The following OXR1 variants were observed in gnomAD, a reference collection of about 807,000 sequenced individuals.
The protein encoded by OXR1 is oxidation resistance 1, also known as oxidation resistance protein 1.
In OXR1, 41 loss-of-function variants were observed where a neutral mutation model predicts 104.6. That is an observed-to-expected ratio of 0.39 (90% CI 0.31 to 0.51). The LOEUF (loss-of-function observed/expected upper bound fraction) is 0.51, where lower values mean the gene tolerates loss of function less well. OXR1 is among the 20% of genes least tolerant of loss of function. The probability of loss-of-function intolerance (pLI) is 0.77; values close to 1 mark genes in which losing one functional copy is unlikely to be tolerated. For missense variants in OXR1, 955 were observed against 1,031.9 expected, an observed-to-expected ratio of 0.93 and a Z score of 1.02; for synonymous variants, 348 against 348.4, an observed-to-expected ratio of 1.00 and a Z score of 0.01.
intron 2 of OXR1, among the ~76,000 whole-genome samples, chr8:106,427,386 C>A (rs1819175232): frequency 6.6e-6 from 1 of 151,982 alleles, no homozygotes; most frequent in Admixed American, 6.6e-5. Context: ...CCAGGATGGT[C>A]TCGATCTCCT....
chr8:106,468,265 G>C (rs28706457), intron 2 of OXR1, among the ~76,000 whole-genome samples: 17,020 of 151,676 alleles, frequency 0.11, 1,209 homozygotes, highest in East Asian at 0.27. Flanking sequence ...CAGTAAATAG[G>C]ATCAGAAAGT....
At chr8:106,534,952 G>GT (rs1814370702) in intron 3 of OXR1, among the ~76,000 whole-genome samples, 1 of 151,926 alleles carries the variant, frequency 6.6e-6, no homozygotes, top group African/African-American at 2.4e-5. Context: ...GCTAGCACGA[G>GT]GTTTTTTTTG....
At chr8:106,361,477 A>G (rs1359879415) in intron 2 of OXR1, among the ~76,000 whole-genome samples, 1 of 152,194 alleles carries the variant, frequency 6.6e-6, no homozygotes, top group Non-Finnish European at 1.5e-5. Flanking sequence ...TGGCATCCTC[A>G]TTCTCCCACT....
intron 2 of OXR1, among the ~76,000 whole-genome samples, chr8:106,448,409 T>C (rs1308712699): frequency 6.6e-6 from 1 of 152,228 alleles, no homozygotes; most frequent in Non-Finnish European, 1.5e-5. Context: ...ACAGTTTTAT[T>C]GTTTGGTGTA....
At chr8:106,665,188 T>C (rs1351668385) in intron 3 of OXR1, among the ~76,000 whole-genome samples, 4 of 152,060 alleles carry the variant, frequency 2.6e-5, no homozygotes, top group Non-Finnish European at 5.9e-5. Context: ...CCATTCCACC[T>C]CAGGGCACAG....
chr8:106,492,967 T>C (rs1811192726), intron 2 of OXR1, among the ~76,000 whole-genome samples: 1 of 152,176 alleles, frequency 6.6e-6, no homozygotes, highest in Non-Finnish European at 1.5e-5. Context: ...CTAAAATGCA[T>C]TGTGGATTTT....
intron 11 of OXR1, among the ~76,000 whole-genome samples, chr8:106,728,930 T>G (rs1327591260): frequency 6.6e-6 from 1 of 152,204 alleles, no homozygotes; most frequent in East Asian, 1.9e-4. Flanking sequence ...TTTTTTAAAT[T>G]TAGGCTTTCA....
intron 2 of OXR1, among the ~76,000 whole-genome samples, chr8:106,427,058 C>A (rs555985653): frequency 1.3e-5 from 2 of 152,130 alleles, no homozygotes; most frequent in Non-Finnish European, 2.9e-5. Flanking sequence ...TGACTGTATT[C>A]ACTGAAGCCC....
At chr8:106,609,939 A>T (rs1054459469) in intron 3 of OXR1, among the ~76,000 whole-genome samples, 1 of 152,142 alleles carries the variant, frequency 6.6e-6, no homozygotes, top group Non-Finnish European at 1.5e-5. Context: ...TAAAGAGTAT[A>T]TGTTTTTCCT....
At chr8:106,691,395 A>G (rs999614961) in intron 6 of OXR1, among the ~76,000 whole-genome samples, 16 of 151,918 alleles carry the variant, frequency 1.1e-4, no homozygotes, top group Non-Finnish European at 2.4e-4. Context: ...GAGGTCTGGT[A>G]ATTCCTCTGA....
intron 1 of OXR1, among the ~76,000 whole-genome samples, chr8:106,298,148 A>G (rs1813080131): frequency 1.3e-5 from 2 of 152,126 alleles, no homozygotes; most frequent in South Asian, 4.1e-4. Flanking sequence ...GGGATGGGGG[A>G]AAAATAAGTC....
intron 3 of OXR1, among the ~76,000 whole-genome samples, chr8:106,567,952 A>G (rs1373209234): frequency 1.3e-5 from 2 of 152,168 alleles, no homozygotes; most frequent in African/African-American, 2.4e-5. Context: ...ATGACATGTT[A>G]TAATCATTCC....
At chr8:106,297,223 T>G (rs1381611006) in intron 1 of OXR1, among the ~76,000 whole-genome samples, 1 of 152,186 alleles carries the variant, frequency 6.6e-6, no homozygotes, top group Non-Finnish European at 1.5e-5. Context: ...ACTCAGATTT[T>G]ATTTTATTTT....
At chr8:106,343,699 A>G (rs1563728218) in intron 1 of OXR1, among the ~76,000 whole-genome samples, 4 of 152,216 alleles carry the variant, frequency 2.6e-5, no homozygotes, top group Non-Finnish European at 2.9e-5. Context: ...AGGAAGGTGT[A>G]TCCTCAAATG....
chr8:106,558,785 A>G (rs548555580), intron 3 of OXR1, among the ~76,000 whole-genome samples: 10 of 152,192 alleles, frequency 6.6e-5, no homozygotes, highest in Non-Finnish European at 1.3e-4. Context: ...TGAGGGCCCA[A>G]TTAGCATTGG....
At chr8:106,304,595 G>C (rs1436994730) in intron 1 of OXR1, among the ~76,000 whole-genome samples, 2 of 150,822 alleles carry the variant, frequency 1.3e-5, no homozygotes, top group Non-Finnish European at 3.0e-5. Flanking sequence ...CTAGCTCAAC[G>C]TGTCAAAAAT....
At chr8:106,569,540 G>A (rs1284049461) in intron 3 of OXR1, among the ~76,000 whole-genome samples, 2 of 152,136 alleles carry the variant, frequency 1.3e-5, no homozygotes, top group African/African-American at 4.8e-5. Flanking sequence ...ACCAGCCCAC[G>A]ACAACTTTCC....
intron 3 of OXR1, among the ~76,000 whole-genome samples, chr8:106,643,378 G>A (rs1823819891): frequency 6.6e-6 from 1 of 152,100 alleles, no homozygotes; most frequent in Non-Finnish European, 1.5e-5. Flanking sequence ...ATGGGCCATA[G>A]TTTGCTGTTC....
chr8:106,283,421 C>T (rs559850216), intron 1 of OXR1, among the ~76,000 whole-genome samples: 9 of 152,204 alleles, frequency 5.9e-5, no homozygotes, highest in Admixed American at 3.3e-4. Context: ...CCAGAAGGAC[C>T]GACGTCAAAC....
Sources: gnomAD v4.1 joint callset for allele counts (sites outside exome capture counted in the v4.1 genomes callset) on GRCh38, gnomAD v4.1.1 for gene constraint, MANE v1.5 for transcripts, NCBI Gene and HGNC (gene_info 2026-07-23, HGNC 2026-07-21) for gene names.